The following DENND1A variants were observed in gnomAD, a reference collection of about 807,000 sequenced individuals.
DENND1A encodes DENN domain-containing protein 1A.
Under a neutral mutation model 113.7 loss-of-function variants are expected in DENND1A, and 51 were observed. The observed-to-expected ratio is 0.45, with a 90% CI of 0.36 to 0.57. The LOEUF (loss-of-function observed/expected upper bound fraction) is 0.57. DENND1A is among the 20% of genes least tolerant of loss of function. The probability of loss-of-function intolerance (pLI) is 0.00; values close to 1 mark genes in which losing one functional copy is unlikely to be tolerated. For synonymous variants in DENND1A, 565 were observed against 570.8 expected, an observed-to-expected ratio of 0.99 and a Z score of 0.14; for missense variants, 1,258 against 1,395.9, an observed-to-expected ratio of 0.90 and a Z score of 1.57.
intron 4 of DENND1A, among the ~76,000 whole-genome samples, chr9:123,758,122 C>T (rs1006832697): frequency 6.6e-6 from 1 of 152,142 alleles, no homozygotes; most frequent in African/African-American, 2.4e-5. Flanking sequence ...CCGAAAGGTG[C>T]CCTCTATTAA....
intron 11 of DENND1A, among the ~76,000 whole-genome samples, chr9:123,601,849 A>C: frequency 6.6e-6 from 1 of 152,234 alleles, no homozygotes; most frequent in East Asian, 1.9e-4. Context: ...TCCCAGTCAA[A>C]GTATACTCAG....
chr9:123,466,274 A>G (rs953321488), intron 13 of DENND1A, among the ~76,000 whole-genome samples: 19 of 151,758 alleles, frequency 1.3e-4, no homozygotes, highest in Admixed American at 9.2e-4. Flanking sequence ...TGGGATTACA[A>G]GCATGAGCCA....
intron 11 of DENND1A, among the ~76,000 whole-genome samples, chr9:123,593,640 T>G (rs1384964739): frequency 1.3e-5 from 2 of 152,216 alleles, no homozygotes; most frequent in Non-Finnish European, 1.5e-5. Flanking sequence ...GTATGACTTC[T>G]TGGGAGCTTT....
intron 21 of DENND1A, among the ~76,000 whole-genome samples, chr9:123,399,643 G>C (rs890935961): frequency 1.3e-5 from 2 of 152,222 alleles, no homozygotes; most frequent in Non-Finnish European, 2.9e-5. Flanking sequence ...TGAGAAGACT[G>C]AACAGATCCG....
chr9:123,598,203 T>G (rs2059782375), intron 11 of DENND1A, among the ~76,000 whole-genome samples: 2 of 152,126 alleles, frequency 1.3e-5, no homozygotes, highest in African/African-American at 4.8e-5. Context: ...CTCCCGGTGC[T>G]TATCACCAGC....
intron 5 of DENND1A, among the ~76,000 whole-genome samples, chr9:123,693,796 C>A (rs2065321218): frequency 7.6e-6 from 1 of 132,004 alleles, no homozygotes; most frequent in African/African-American, 2.9e-5. Flanking sequence ...CCACAAGTTT[C>A]ATTAGCTATA....
chr9:123,431,717 C>G (rs990189687), intron 19 of DENND1A, among the ~76,000 whole-genome samples: 3 of 152,202 alleles, frequency 2.0e-5, no homozygotes, highest in Non-Finnish European at 2.9e-5. Context: ...AGCATGCTCC[C>G]TGGAGCTGGA....
At chr9:123,412,557 G>T (rs1488336701) in intron 19 of DENND1A, among the ~76,000 whole-genome samples, 1 of 152,242 alleles carries the variant, frequency 6.6e-6, no homozygotes, top group Non-Finnish European at 1.5e-5. Context: ...AGCGTCTGAT[G>T]AACAAATAAA....
At chr9:123,609,338 G>T in intron 11 of DENND1A, 98 bp downstream of exon 11, 2 of 1,354,636 alleles carry the variant, frequency 1.5e-6, no homozygotes, top group East Asian at 2.3e-5. Context: ...ATGCTCCCAC[G>T]TGCAGAGCTG....
chr9:123,670,006 T>C (rs1462929812), intron 7 of DENND1A, among the ~76,000 whole-genome samples: 1 of 152,228 alleles, frequency 6.6e-6, no homozygotes. Flanking sequence ...CAGGTATCTT[T>C]TCCTCTTGAA....
chr9:123,517,796 A>G (rs781478221), intron 13 of DENND1A, among the ~76,000 whole-genome samples: 64 of 152,206 alleles, frequency 4.2e-4, no homozygotes, highest in Non-Finnish European at 7.5e-4. Flanking sequence ...AATTGCATGA[A>G]AAAGGAAGAA....
intron 13 of DENND1A, among the ~76,000 whole-genome samples, chr9:123,461,463 G>C (rs915071119): frequency 6.6e-6 from 1 of 152,222 alleles, no homozygotes; most frequent in Non-Finnish European, 1.5e-5. Flanking sequence ...TGATGGTAAA[G>C]AGGTCTCAGA....
chr9:123,625,613 A>G (rs2061173812), intron 10 of DENND1A, among the ~76,000 whole-genome samples: 7 of 152,282 alleles, frequency 4.6e-5, no homozygotes, highest in Middle Eastern at 3.4e-3. Context: ...GCATGGTGGT[A>G]TGCACCTGTG....
At chr9:123,562,478 T>A (rs377765399) in intron 12 of DENND1A, among the ~76,000 whole-genome samples, 6 of 152,148 alleles carry the variant, frequency 3.9e-5, no homozygotes, top group East Asian at 3.8e-4. Flanking sequence ...CAAAAAGATG[T>A]CTGTCAAATA....
chr9:123,408,151 T>C (rs1168617604), intron 20 of DENND1A, among the ~76,000 whole-genome samples: 1 of 152,158 alleles, frequency 6.6e-6, no homozygotes, highest in Admixed American at 6.5e-5. Context: ...TCTGGAAAGT[T>C]TGTGGCTACG....
At chr9:123,927,412 T>A (rs1857302530) in intron 1 of DENND1A, among the ~76,000 whole-genome samples, 1 of 152,186 alleles carries the variant, frequency 6.6e-6, no homozygotes, top group African/African-American at 2.4e-5. Context: ...TACCTTTCTC[T>A]GACATTTCTA....
At chr9:123,846,077 A>C (rs1472786670) in intron 2 of DENND1A, among the ~76,000 whole-genome samples, 2 of 152,214 alleles carry the variant, frequency 1.3e-5, no homozygotes, top group Non-Finnish European at 2.9e-5. Context: ...AATATACAAG[A>C]AGCACACTAA....
intron 13 of DENND1A, among the ~76,000 whole-genome samples, chr9:123,464,047 A>G (rs1238993832): frequency 6.6e-6 from 1 of 152,208 alleles, no homozygotes; most frequent in East Asian, 1.9e-4. Flanking sequence ...ATAAACCTGT[A>G]CATCTTGCAC....
intron 23 of DENND1A, among the ~76,000 whole-genome samples, chr9:123,383,211 G>A (rs1055047991): frequency 2.0e-5 from 3 of 152,236 alleles, no homozygotes; most frequent in African/African-American, 4.8e-5. Flanking sequence ...CTGAGGCACC[G>A]AGCGGGGATG....
Sources: allele counts gnomAD v4.1 joint callset (sites outside exome capture counted in the v4.1 genomes callset), GRCh38; gene constraint gnomAD v4.1.1; transcripts MANE v1.5; gene names NCBI Gene and HGNC (gene_info 2026-07-23, HGNC 2026-07-21).